The following PRKG1 variants were observed in gnomAD, a reference collection of about 807,000 sequenced individuals.
The protein encoded by PRKG1 is protein kinase cGMP-dependent 1, also known as cGMP-dependent protein kinase 1.
A neutral mutation model predicts 88.1 loss-of-function variants in PRKG1; 35 were observed. That is an observed-to-expected ratio of 0.40 (90% CI 0.30 to 0.53). The LOEUF (loss-of-function observed/expected upper bound fraction) is 0.53, where lower values mean the gene tolerates loss of function less well. Among genes scored for constraint, PRKG1 ranks in the 20% least tolerant of loss-of-function variants. PRKG1 has a pLI of 0.59. For missense variants in PRKG1, 540 were observed against 839.8 expected (o/e 0.64, Z 4.41); for synonymous variants, 303 against 292.5 (o/e 1.04, Z -0.37).
intron 7 of PRKG1, among the ~76,000 whole-genome samples, chr10:52,065,612 C>A (rs947801893): frequency 1.3e-5 from 2 of 152,182 alleles, no homozygotes; most frequent in African/African-American, 2.4e-5. Flanking sequence ...TAACTACACT[C>A]AACTTTCCTT....
intron 2 of PRKG1, among the ~76,000 whole-genome samples, chr10:51,157,659 T>A (rs761232721): frequency 1.3e-4 from 19 of 151,862 alleles, no homozygotes; most frequent in Non-Finnish European, 2.2e-4. Context: ...TTGATTTGCT[T>A]AGAGATATTG....
intron 1 of PRKG1, among the ~76,000 whole-genome samples, chr10:51,019,960 A>G (rs1459790073): frequency 1.3e-5 from 2 of 151,988 alleles, no homozygotes; most frequent in African/African-American, 4.8e-5. Flanking sequence ...CTTCACACCC[A>G]TTAAAATGGC....
At chr10:51,473,461 A>G (rs1202921307) in intron 3 of PRKG1, among the ~76,000 whole-genome samples, 1 of 151,848 alleles carries the variant, frequency 6.6e-6, no homozygotes, top group East Asian at 1.9e-4. Context: ...ATATATAACT[A>G]CTTTCCCAAA....
intron 3 of PRKG1, among the ~76,000 whole-genome samples, chr10:51,753,463 G>T (rs566213656): frequency 1.3e-5 from 2 of 151,980 alleles, no homozygotes; most frequent in Admixed American, 1.3e-4. Context: ...GAAGACACTC[G>T]GTCGGTACAA....
intron 3 of PRKG1, among the ~76,000 whole-genome samples, chr10:51,785,848 T>G (rs1838714183): frequency 1.3e-5 from 2 of 152,192 alleles, no homozygotes; most frequent in African/African-American, 4.8e-5. Context: ...GACTGGGAGA[T>G]ATCTCATTCA....
chr10:51,447,356 C>A (rs1019238511), intron 2 of PRKG1, among the ~76,000 whole-genome samples: 1 of 151,972 alleles, frequency 6.6e-6, no homozygotes, highest in African/African-American at 2.4e-5. Flanking sequence ...CACAAGGAAG[C>A]CCTTTGGGCT....
At chr10:51,563,990 T>C (rs981382851) in intron 3 of PRKG1, among the ~76,000 whole-genome samples, 3 of 152,170 alleles carry the variant, frequency 2.0e-5, no homozygotes, top group Non-Finnish European at 2.9e-5. Flanking sequence ...TTTAGGTAAC[T>C]GCTTCCCAGT....
chr10:51,576,372 G>A lies in PRKG1; in HGVS notation c.592+108536G>A, dbSNP rs115574076. Among the ~76,000 whole-genome samples, 1,412 of 151,948 alleles carry A rather than the reference G, an allele frequency of 9.3e-3. 15 individuals are homozygous for A. The highest frequency in any genetic ancestry group is 0.029 in the African/African-American group (1,203 of 41,492). On this transcript the variant is annotated intron_variant, in intron 3 of 17. Transcript: ENST00000373980. ...TGTACACTACCTTTTGTTCAACAAT[G>A]TATCATGGGCTTTCTCCTCTATATA...
At chr10:51,550,665 C>T (rs1245590287) in intron 3 of PRKG1, among the ~76,000 whole-genome samples, 1 of 151,950 alleles carries the variant, frequency 6.6e-6, no homozygotes, top group Non-Finnish European at 1.5e-5. Flanking sequence ...AATGGCCTTA[C>T]TTAAAAGATA....
At chr10:52,013,270 T>A (rs547472821) in intron 5 of PRKG1, among the ~76,000 whole-genome samples, 3 of 151,998 alleles carry the variant, frequency 2.0e-5, no homozygotes, top group East Asian at 3.9e-4. Flanking sequence ...TACAAAAAAA[T>A]TTGCCAGGCG....
In PRKG1 at chr10:51,841,107, T is replaced by C. The variant is rs953958155; in HGVS notation, c.698+36417T>C. Among the ~76,000 whole-genome samples the C allele has an allele frequency of 4.6e-5, 7 of 152,344 alleles. No individual in the cohort carries two copies. In the East Asian group the frequency reaches 1.4e-3, roughly 29 times the overall value. ...CCAGTGATAGAAAACTTATCTCTTCTAAAATAAGCTCATTACATTTTTAAA... is the reference window on the plus strand; with the variant it reads ...CCAGTGATAGAAAACTTATCTCTTCCAAAATAAGCTCATTACATTTTTAAA... On this transcript the variant is annotated intron_variant, in intron 4 of 17. Coordinates refer to ENST00000373980, the MANE Select transcript of PRKG1 (RefSeq NM_006258.4).
At chr10:51,903,849 C>G (rs1335652269) in intron 4 of PRKG1, among the ~76,000 whole-genome samples, 1 of 152,094 alleles carries the variant, frequency 6.6e-6, no homozygotes, top group Non-Finnish European at 1.5e-5. Context: ...CCTTTCTTCA[C>G]CAGTGCTGAG....
intron 4 of PRKG1, among the ~76,000 whole-genome samples, chr10:51,879,724 C>T (rs1488867359): frequency 6.6e-6 from 1 of 152,200 alleles, no homozygotes; most frequent in Admixed American, 6.5e-5. Flanking sequence ...GCTTATCTTT[C>T]CTCCTGCTGG....
At chr10:51,863,926 A>G (rs10823750) in intron 4 of PRKG1, among the ~76,000 whole-genome samples, 54,574 of 152,024 alleles carry the variant, frequency 0.36, 11,071 homozygotes, top group South Asian at 0.46. Flanking sequence ...TTCACATGGA[A>G]AGGATTTAGC....
At chr10:51,812,721 CGTT>C (rs1447723620) in intron 4 of PRKG1, among the ~76,000 whole-genome samples, 20 of 152,110 alleles carry the variant, frequency 1.3e-4, no homozygotes, top group African/African-American at 4.6e-4. Flanking sequence ...AGAAATGCTT[CGTT>C]GTTGTTGCAC....
chr10:52,269,579 C>T (rs1445393496), intron 10 of PRKG1, among the ~76,000 whole-genome samples: 1 of 152,080 alleles, frequency 6.6e-6, no homozygotes, highest in Non-Finnish European at 1.5e-5. Flanking sequence ...AAGACCTTCG[C>T]TATCCCTGCT....
intron 9 of PRKG1, among the ~76,000 whole-genome samples, chr10:52,200,875 A>C (rs749373968): frequency 6.6e-6 from 1 of 152,084 alleles, no homozygotes; most frequent in Admixed American, 6.6e-5. Context: ...GTATCTGGTC[A>C]TGTCCTTTGC....
chr10:51,620,643 T>C (rs1839181569), intron 3 of PRKG1, among the ~76,000 whole-genome samples: 1 of 152,084 alleles, frequency 6.6e-6, no homozygotes, highest in Non-Finnish European at 1.5e-5. Flanking sequence ...TTAATATTCC[T>C]ATTGTTTCTA....
intron 1 of PRKG1, among the ~76,000 whole-genome samples, chr10:51,057,934 C>A (rs1178360704): frequency 6.6e-6 from 1 of 152,020 alleles, no homozygotes; most frequent in Non-Finnish European, 1.5e-5. Flanking sequence ...GTAGACGTTG[C>A]CACCTAAATT....
Sources: allele counts gnomAD v4.1 joint callset (sites outside exome capture counted in the v4.1 genomes callset), GRCh38; gene constraint gnomAD v4.1.1; transcripts MANE v1.5; gene names NCBI Gene and HGNC (gene_info 2026-07-23, HGNC 2026-07-21).